Variants in CASZ1 observed in about 807,000 individuals in gnomAD.
The protein encoded by CASZ1 is zinc finger protein castor homolog 1.
CASZ1 carries 28 observed loss-of-function variants against 135.2 expected under a neutral mutation model. That is an observed-to-expected ratio of 0.21 (90% CI 0.15 to 0.28). The LOEUF (loss-of-function observed/expected upper bound fraction) is 0.28. Among genes scored for constraint, CASZ1 ranks in the 10% least tolerant of loss-of-function variants. The probability of loss-of-function intolerance (pLI) is 1.00; values close to 1 mark genes in which losing one functional copy is unlikely to be tolerated. For missense variants in CASZ1, 2,161 were observed against 2,453.3 expected (o/e 0.88, Z 2.52); for synonymous variants, 1,068 against 1,073.4 (o/e 0.99, Z 0.10).
chr1:10,746,821 A>G (rs1640050219), intron 2 of CASZ1, among the ~76,000 whole-genome samples: 3 of 152,156 alleles, frequency 2.0e-5, no homozygotes, highest in Non-Finnish European at 4.4e-5. Flanking sequence ...GTGGCCTTTG[A>G]CCCACTGGAA....
chr1:10,713,817 G>A (rs2100463365), intron 2 of CASZ1, among the ~76,000 whole-genome samples: 1 of 152,346 alleles, frequency 6.6e-6, no homozygotes, highest in South Asian at 2.1e-4. Flanking sequence ...TGGCATTGCT[G>A]GCCGCCCCTG....
chr1:10,761,838 C>A (rs2100576654), intron 1 of CASZ1, among the ~76,000 whole-genome samples: 2 of 152,306 alleles, frequency 1.3e-5, no homozygotes, highest in South Asian at 4.1e-4. Context: ...GTGCTGAGAA[C>A]CCAGAGGGGG....
In CASZ1 at chr1:10,660,058, C is replaced by A. The variant is rs775596164; in HGVS notation, c.984G>T (p.Gln328His). 3.7e-6 allele frequency: 6 copies of A among 1,614,188 alleles called. No individual in the cohort carries two copies. Among genetic ancestry groups the A allele is most frequent in the Non-Finnish European group, 5.1e-6 (6 of 1,180,016 alleles). The change falls in exon 6 of 21, where the codon CAG (glutamine) becomes CAT (histidine). Residue 328 changes from glutamine to histidine, a missense_variant. By Grantham distance (24) the Gln-to-His change is conservative. Coordinates refer to ENST00000377022, the MANE Select transcript of CASZ1 (RefSeq NM_001079843.3). ...KLKTGENLRPQNGSTYKKPSK... is the reference protein window; with the variant it reads ...KLKTGENLRPHNGSTYKKPSK... ...ATGGCTTCTTGTAGGTGCTCCCGTT[C>A]TGGGGCCGCAGATTCTCGCCGGTCT...
At chr1:10,656,317 C>T (rs1570423729) in intron 8 of CASZ1, among the ~76,000 whole-genome samples, 2 of 152,198 alleles carry the variant, frequency 1.3e-5, no homozygotes, top group African/African-American at 4.8e-5. Flanking sequence ...TAATGCTAAC[C>T]TTCTAAGGCC....
Position 10,659,492 on chromosome 1 carries a change from G to A in CASZ1, c.1340+210C>T, listed in dbSNP as rs540329. Among the ~76,000 whole-genome samples, 26,011 of 152,202 alleles carry A rather than the reference G, an allele frequency of 0.17. 2,467 individuals carry two copies. Among genetic ancestry groups the A allele is most frequent in the Middle Eastern group, 0.26 (76 of 294 alleles). On this transcript the variant is annotated intron_variant, in intron 6 of 20. Coordinates refer to ENST00000377022, the MANE Select transcript of CASZ1 (RefSeq NM_001079843.3). ...AGGGCTCACGCATGGTTCTGTAGGT[G>A]CAAGAGTGAATGTGAGTGCGGCGCG...
At position 10,656,728 on chromosome 1, in the gene CASZ1, C is replaced by A; in HGVS notation, c.1418G>T (p.Gly473Val). 6.3e-7 allele frequency: 1 copy of A among 1,593,594 alleles called. No individual in the cohort carries two copies. ...IYQKYIARFS[G>V]SQHCGHIHCA... The stretch of plus-strand genomic sequence containing the variant: ...GTGGATGTGGCCACAGTGCTGGCTG[C>A]CCGAGAACCTGGAGGGAGGAGGGGT... The change falls in exon 8 of 21, where the codon GGC (glycine) becomes GTC (valine). Residue 473 changes from glycine (G) to valine (V), a missense_variant. Gly to Val is a moderately radical substitution (Grantham distance 109). Coordinates refer to ENST00000377022, the MANE Select transcript of CASZ1 (RefSeq NM_001079843.3).
intron 2 of CASZ1, among the ~76,000 whole-genome samples, chr1:10,744,342 CACGGCACCACGAGCAGGCAT>C (rs1639997434): frequency 4.6e-5 from 7 of 152,004 alleles, no homozygotes; most frequent in Non-Finnish European, 1.0e-4. Context: ...AGAAGAGAGA[CACGGCACCACGAGCAGGCAT>C]GTCCTGGGCA....
At position 10,639,761 on chromosome 1, in the gene CASZ1, C is replaced by A; in HGVS notation, c.4461G>T (p.Leu1487=). 3.8e-6 allele frequency: 6 copies of A among 1,598,792 alleles called. No individual in the cohort carries two copies. The highest frequency in any genetic ancestry group is 5.1e-6 in the Non-Finnish European group (6 of 1,173,262). The change falls in exon 21 of 21, where the codon CTG becomes CTT. Residue 1487 remains leucine (L), a synonymous_variant. Coordinates refer to ENST00000377022, the MANE Select transcript of CASZ1 (RefSeq NM_001079843.3). The surrounding 1 kb of genome is among the most constrained non-coding windows in gnomAD (Gnocchi z 4.0). The part of the protein sequence containing the change: ...HAQHHDRVDN[L]VLDDFKRFKA... ...TGAAGCGCTTGAAGTCGTCCAGCAC[C>A]AGGTTGTCCACGCGGTCGTGGTGCT...
At chr1:10,686,364 G>A (rs1638587281) in intron 4 of CASZ1, among the ~76,000 whole-genome samples, 1 of 152,262 alleles carries the variant, frequency 6.6e-6, no homozygotes, top group African/African-American at 2.4e-5. Context: ...GGAGCACGAG[G>A]TGGGGCCTGG....
At chr1:10,773,635 C>T (rs1035116934) in intron 1 of CASZ1, among the ~76,000 whole-genome samples, 2 of 151,874 alleles carry the variant, frequency 1.3e-5, no homozygotes, top group Non-Finnish European at 2.9e-5. Context: ...CATACTTGGC[C>T]GGGGGAACGC....
At chr1:10,716,603 C>T (rs907979438) in intron 2 of CASZ1, among the ~76,000 whole-genome samples, 1 of 152,106 alleles carries the variant, frequency 6.6e-6, no homozygotes, top group Non-Finnish European at 1.5e-5. Flanking sequence ...ACGAATGCCC[C>T]GGTGCAGAGA....
chr1:10,768,205 CGTTT>C (rs113559571), intron 1 of CASZ1, among the ~76,000 whole-genome samples: 4,292 of 151,956 alleles, frequency 0.028, 64 homozygotes, highest in Non-Finnish European at 0.033. Context: ...CATTATTGTT[CGTTT>C]GTTTGTTTGT....
At chr1:10,729,807 CTTTAT>C (rs1316709201) in intron 2 of CASZ1, among the ~76,000 whole-genome samples, 1 of 150,512 alleles carries the variant, frequency 6.6e-6, no homozygotes, top group African/African-American at 2.5e-5. Flanking sequence ...GCCATATTCA[CTTTAT>C]TTTATTTTTT....
At chr1:10,761,581 T>C (rs894977930) in intron 1 of CASZ1, among the ~76,000 whole-genome samples, 4 of 152,226 alleles carry the variant, frequency 2.6e-5, no homozygotes, top group Admixed American at 2.6e-4. Context: ...GGTGCCCTGC[T>C]ACCGGCAACC....
rs911541342 is a variant in CASZ1 at position 10,697,736 on chromosome 1, A to T, written c.-23-3824T>A. ...TTGTAACTTTCACATAAACTTGAACAAAGCTCCTTTTGTTATTGCACCCCA... is the reference window on the plus strand; with the variant it reads ...TTGTAACTTTCACATAAACTTGAACTAAGCTCCTTTTGTTATTGCACCCCA... On this transcript the variant is annotated intron_variant, in intron 3 of 20. Coordinates refer to ENST00000377022, the MANE Select transcript of CASZ1 (RefSeq NM_001079843.3). This position sits in a 1 kb window ranked among gnomAD's most constrained non-coding sequence, Gnocchi z 4.7. Among the ~76,000 whole-genome samples, 3 of 152,210 alleles carry T rather than the reference A, an allele frequency of 2.0e-5. No homozygotes were observed. Among genetic ancestry groups the T allele is most frequent in the African/African-American group, 7.2e-5 (3 of 41,448 alleles).
rs1489677303 is a variant in CASZ1 at position 10,666,333 on chromosome 1, T to C, written c.17-762A>G. ...TCTTCTCCAGCCCTTGCCAGCCCCC[T>C]CTTGGCCTCTCTGTCCATTTCCTGT... On this transcript the variant is annotated intron_variant, in intron 4 of 20. Transcript: ENST00000377022. The surrounding 1 kb of genome is among the most constrained non-coding windows in gnomAD (Gnocchi z 5.2). 6.6e-6 allele frequency among the ~76,000 whole-genome samples: 1 copy of C among 152,114 alleles called. No individual in the cohort carries two copies. The highest frequency in any genetic ancestry group is 1.5e-5 in the Non-Finnish European group (1 of 68,000).
chr1:10,773,593 G>A (rs1260781097), intron 1 of CASZ1, among the ~76,000 whole-genome samples: 1 of 152,080 alleles, frequency 6.6e-6, no homozygotes, highest in Non-Finnish European at 1.5e-5. Flanking sequence ...AAAGTCTTGG[G>A]GGCAGAAGGC....
In CASZ1 at chr1:10,676,931, C is replaced by G. The variant is rs1209403652; in HGVS notation, c.17-11360G>C. Among the ~76,000 whole-genome samples the G allele has an allele frequency of 1.1e-4, 16 of 152,268 alleles. No individual in the cohort carries two copies. The highest frequency in any genetic ancestry group is 2.4e-4 in the Non-Finnish European group (16 of 68,048). On this transcript the variant is annotated intron_variant, in intron 4 of 20. Transcript: ENST00000377022. The surrounding 1 kb of genome is among the most constrained non-coding windows in gnomAD (Gnocchi z 4.5). The stretch of plus-strand genomic sequence containing the variant: ...CCCATACTGCCTGGCTCTGCCACTG[C>G]CTCTCGCTGAGGCCCCTGTGGGCAC...
rs944884207 is a variant in CASZ1 at position 10,699,135 on chromosome 1, G to T, written c.-23-5223C>A. Among the ~76,000 whole-genome samples, 2 of 152,206 alleles carry T rather than the reference G, an allele frequency of 1.3e-5. No individual in the cohort carries two copies. Among genetic ancestry groups the T allele is most frequent in the Non-Finnish European group, 2.9e-5 (2 of 68,026 alleles). ...CGTTCTCAGGGGCCCATGAGGCCTG[G>T]CAGGGTACCAGCCTTCGGGGAGAAG... is the stretch of plus-strand genomic sequence containing the variant. On this transcript the variant is annotated intron_variant, in intron 3 of 20. Coordinates refer to ENST00000377022, the MANE Select transcript of CASZ1 (RefSeq NM_001079843.3). The surrounding 1 kb of genome is among the most constrained non-coding windows in gnomAD (Gnocchi z 4.6).
Sources: gnomAD v4.1 joint callset for allele counts (sites outside exome capture counted in the v4.1 genomes callset) on GRCh38, gnomAD v4.1.1 for gene constraint, Gnocchi (gnomAD v3.1) non-coding constraint, MANE v1.5 for transcripts, NCBI Gene and HGNC (gene_info 2026-07-23, HGNC 2026-07-21) for gene names.